Variants in ZFYVE9 observed in about 807,000 individuals in gnomAD.
ZFYVE9 encodes the protein zinc finger FYVE domain-containing protein 9.
In ZFYVE9, 43 loss-of-function variants were observed where a neutral mutation model predicts 126.7. That is an observed-to-expected ratio of 0.34 (90% confidence interval 0.27 to 0.44). The LOEUF (loss-of-function observed/expected upper bound fraction) is 0.44, where lower values mean the gene tolerates loss of function less well. Ranked by LOEUF, ZFYVE9 falls within the 20% of genes least tolerant of loss-of-function variation. The pLI, the probability that ZFYVE9 is intolerant of heterozygous loss-of-function variation, is 1.00. For synonymous variants in ZFYVE9, 521 were observed against 597.4 expected, an observed-to-expected ratio of 0.87 and a Z score of 1.87; for missense variants, 1,476 against 1,697.0, an observed-to-expected ratio of 0.87 and a Z score of 2.29.
intron 13 of ZFYVE9, among the ~76,000 whole-genome samples, chr1:52,316,760 A>T (rs78624385): frequency 0.03 from 4,568 of 152,312 alleles, 167 homozygotes; most frequent in African/African-American, 0.086. Context: ...AGATTTCAAT[A>T]ACCCTGTGTC....
Position 52,278,568 on chromosome 1 carries a change from A to G in ZFYVE9, c.2823A>G (p.Val941=), listed in dbSNP as rs1385485600. The G allele has an allele frequency of 3.1e-6, 5 of 1,602,378 alleles. No homozygotes were observed. The highest frequency in any genetic ancestry group is 4.3e-6 in the Non-Finnish European group (5 of 1,174,842). ...QLEDGGPDPL[V]FVLNANLLSM... ...AGGATGGTGGCCCTGACCCACTTGT[A>G]TTTGTTTTAAATGCAAATTTGTTGT... The change falls in exon 9 of 19, where the codon GTA becomes GTG. Residue 941 remains valine (V), a synonymous_variant. Transcript: ENST00000287727.
chr1:52,329,297 A>G (rs1006997231), intron 13 of ZFYVE9, among the ~76,000 whole-genome samples: 2 of 152,220 alleles, frequency 1.3e-5, no homozygotes, highest in African/African-American at 4.8e-5. Flanking sequence ...ATACTTCTCA[A>G]TTTTAAAACT....
intron 10 of ZFYVE9, among the ~76,000 whole-genome samples, chr1:52,292,899 A>G (rs1247033414): frequency 5.3e-5 from 8 of 152,162 alleles, no homozygotes; most frequent in Admixed American, 3.3e-4. Flanking sequence ...AACTTCAACA[A>G]TGTGATAATA....
Position 52,331,773 on chromosome 1 carries a change from C to CTTT in ZFYVE9, c.3439-983_3439-981dup, listed in dbSNP as rs1172492745. ...TCTCAAAAAAAAAAGGTGTCAAACT[C>CTTT]TTTTTTTTTTTTTTATTTTTTTTTG... On this transcript the variant is annotated intron_variant, in intron 13 of 18. Transcript: ENST00000287727. 2.6e-4 allele frequency among the ~76,000 whole-genome samples: 35 copies of CTTT among 132,768 alleles called. 1 individual carries two copies. The highest frequency in any genetic ancestry group is 2.4e-3 in the East Asian group (10 of 4,188). The allele number at this position is 132,768 out of a possible 152,430, so 87.1% of individuals were successfully genotyped here. A position where few individuals can be genotyped will look rare whatever the true frequency, so the allele number is the denominator to read the frequency against.
At chr1:52,240,129 A>G (rs1173358961) in intron 4 of ZFYVE9, among the ~76,000 whole-genome samples, 2 of 152,202 alleles carry the variant, frequency 1.3e-5, no homozygotes, top group Non-Finnish European at 2.9e-5. Flanking sequence ...TTTCTCCCAT[A>G]TAACTTTGAT....
rs1645305429 is a variant in ZFYVE9, at chr1:52,238,939, A to G, written c.1522A>G (p.Ile508Val). The G allele has an allele frequency of 3.1e-6, 5 of 1,614,030 alleles. No homozygotes were observed. Among genetic ancestry groups the G allele is most frequent in the Non-Finnish European group, 4.2e-6 (5 of 1,179,990 alleles). The stretch of plus-strand genomic sequence containing the variant: ...AGATTCAGTAACAGAAGAAAAAGAA[A>G]TAGAGGAAAGCAAGTCAGAATGCTA... ...KEDSVTEEKEIEESKSECYSN... is the reference protein window; with the variant it reads ...KEDSVTEEKEVEESKSECYSN... Residue 508 changes from isoleucine to valine, a missense_variant, in exon 4 of 19, where the codon ATA (isoleucine) becomes GTA (valine). Transcript: ENST00000287727.
At chr1:52,156,046 G>C (rs141407664) in intron 1 of ZFYVE9, among the ~76,000 whole-genome samples, 1 of 152,166 alleles carries the variant, frequency 6.6e-6, no homozygotes, top group African/African-American at 2.4e-5. Flanking sequence ...TATCACTGAC[G>C]TGATGGATCT....
chr1:52,342,733 C>A (rs1269558435), intron 17 of ZFYVE9, among the ~76,000 whole-genome samples: 1 of 152,016 alleles, frequency 6.6e-6, no homozygotes, highest in African/African-American at 2.4e-5. Context: ...AGGGTTTCAC[C>A]ATGTTGGCCA....
chr1:52,320,740 T>C (rs1646231220), intron 13 of ZFYVE9, among the ~76,000 whole-genome samples: 1 of 152,192 alleles, frequency 6.6e-6, no homozygotes, highest in Admixed American at 6.5e-5. Flanking sequence ...GGGAACCATA[T>C]ATTACAAAGG....
chr1:52,314,616 G>C (rs140764910), intron 13 of ZFYVE9, among the ~76,000 whole-genome samples: 1 of 152,070 alleles, frequency 6.6e-6, no homozygotes, highest in African/African-American at 2.4e-5. Context: ...TCAGGAGTTC[G>C]AGACCACCTA....
At chr1:52,278,383 A>T (rs1003348700) in intron 8 of ZFYVE9, 109 bp from the exon 9 acceptor site, 38 of 1,423,054 alleles carry the variant, frequency 2.7e-5, no homozygotes, top group Non-Finnish European at 4.9e-6. Flanking sequence ...CCTATTGATA[A>T]ATCAAATGCA....
intron 1 of ZFYVE9, among the ~76,000 whole-genome samples, chr1:52,144,110 A>G (rs1644286769): frequency 6.6e-6 from 1 of 152,196 alleles, no homozygotes; most frequent in Non-Finnish European, 1.5e-5. Context: ...TCATGAGGTC[A>G]GAAGTTCAAG....
intron 10 of ZFYVE9, among the ~76,000 whole-genome samples, 192 bp from the exon 11 acceptor site, chr1:52,293,261 C>T (rs897401244): frequency 6.6e-6 from 1 of 151,614 alleles, no homozygotes; most frequent in African/African-American, 2.4e-5. Context: ...CACCTGTAGT[C>T]CCACCTACTC....
Position 52,266,756 on chromosome 1 carries a change from G to T in ZFYVE9, c.2380G>T (p.Ala794Ser), listed in dbSNP as rs772239062. ...TATCCCTCCCTTGCAGCAAGCTCAG[G>T]CCTCAGGAGCTCTGAGCTCTCCACC... ...STIPPLQQAQ[A>S]SGALSSPPPT... The change falls in exon 6 of 19, where the codon GCC becomes TCC. Residue 794 changes from alanine to serine, a missense_variant. Physicochemically the swap from Ala to Ser is moderately conservative, Grantham distance 99. This residue lies in a region of ZFYVE9 where 669 missense variants were observed against 902.4 expected (regional missense o/e 0.74). Coordinates refer to ENST00000287727, the MANE Select transcript of ZFYVE9 (RefSeq NM_004799.4). 3.1e-6 allele frequency: 5 copies of T among 1,612,226 alleles called. No individual in the cohort carries two copies. Among genetic ancestry groups the T allele is most frequent in the Middle Eastern group, 1.6e-4 (1 of 6,062 alleles).
chr1:52,206,619 C>G (rs1271895760), intron 1 of ZFYVE9, among the ~76,000 whole-genome samples: 1 of 152,104 alleles, frequency 6.6e-6, no homozygotes, highest in Non-Finnish European at 1.5e-5. Flanking sequence ...GATCTCGGCT[C>G]GGCTCACTGC....
chr1:52,257,271 T>C (rs1265974637), intron 4 of ZFYVE9, among the ~76,000 whole-genome samples: 2 of 152,230 alleles, frequency 1.3e-5, no homozygotes, highest in African/African-American at 4.8e-5. Flanking sequence ...TTAATCTTCA[T>C]AAAAGCCATA....
intron 1 of ZFYVE9, among the ~76,000 whole-genome samples, chr1:52,167,554 C>G (rs566402211): frequency 1.1e-4 from 16 of 152,168 alleles, no homozygotes; most frequent in African/African-American, 2.6e-4. Flanking sequence ...CCCTTTTACC[C>G]TGATATATGA....
At chr1:52,332,535 CAT>C (rs781406384) in intron 13 of ZFYVE9, among the ~76,000 whole-genome samples, 4 of 152,264 alleles carry the variant, frequency 2.6e-5, no homozygotes, top group Non-Finnish European at 4.4e-5. Context: ...CAAAATGTAT[CAT>C]GTGCTTATTA....
Position 52,346,260 on chromosome 1 carries a change from C to A in ZFYVE9, c.*39C>A. 1 of 1,457,928 alleles carries A rather than the reference C, an allele frequency of 6.9e-7. No homozygotes were observed. The highest frequency in any genetic ancestry group is 9.2e-7 in the Non-Finnish European group (1 of 1,087,318). The allele number at this position is 1,457,928 out of a possible 1,614,324, so 90.3% of individuals were successfully genotyped here. A position where few individuals can be genotyped will look rare whatever the true frequency, so the allele number is the denominator to read the frequency against. On this transcript the variant is annotated 3_prime_UTR_variant, in exon 19 of 19. Coordinates refer to ENST00000287727, the MANE Select transcript of ZFYVE9 (RefSeq NM_004799.4). ...CATTTTTTTCTGTTCAGACTTGTTG[C>A]AACAGCAGTCATACCCAAATCATTT...
Sources: allele counts gnomAD v4.1 joint callset (sites outside exome capture counted in the v4.1 genomes callset), GRCh38; gene constraint gnomAD v4.1.1; regional missense constraint gnomAD v4.1.1; transcripts MANE v1.5; gene names NCBI Gene and HGNC (gene_info 2026-07-23, HGNC 2026-07-21).